The following SLCO2A1 variants were observed in gnomAD, a reference collection of about 807,000 sequenced individuals.
SLCO2A1 encodes the protein solute carrier organic anion transporter family member 2A1, also known as matrin F/G 1.
SLCO2A1 carries 60 observed loss-of-function variants against 71.7 expected under a neutral mutation model. The observed-to-expected ratio is 0.84, with a 90% CI of 0.68 to 1.04. The LOEUF is 1.04. SLCO2A1 is among the 50% of genes least tolerant of loss of function. The pLI, the probability that SLCO2A1 is intolerant of heterozygous loss-of-function variation, is 0.00. For synonymous variants in SLCO2A1, 308 were observed against 326.7 expected, an observed-to-expected ratio of 0.94 and a Z score of 0.62; for missense variants, 745 against 813.4, an observed-to-expected ratio of 0.92 and a Z score of 1.02.
rs746875740 is a variant in SLCO2A1, at chr3:133,947,273, G to A, written c.1278C>T (p.Ala426=). Residue 426 remains alanine, a synonymous_variant, in exon 9 of 14, where the codon GCC becomes GCT. Coordinates refer to ENST00000310926, the MANE Select transcript of SLCO2A1 (RefSeq NM_005630.3). ...CCCATTACCTAGGGGGGTAGACTTC[G>A]GCCACAGTTGGGGTGGAGCATCCCA... The part of the protein sequence containing the change: ...FFMGCSTPTV[A]EVYPPSTSSS... 4.3e-5 allele frequency: 70 copies of A among 1,613,950 alleles called. No individual in the cohort carries two copies. The highest frequency in any genetic ancestry group is 1.2e-4 in the South Asian group (11 of 91,058).
chr3:133,983,051 C>A (rs1934629955), intron 1 of SLCO2A1, among the ~76,000 whole-genome samples: 1 of 152,186 alleles, frequency 6.6e-6, no homozygotes, highest in South Asian at 2.1e-4. Flanking sequence ...ACACCTCTTA[C>A]AATGACACTC....
chr3:133,959,477 A>G (rs995769300), intron 3 of SLCO2A1, among the ~76,000 whole-genome samples: 1 of 151,996 alleles, frequency 6.6e-6, no homozygotes, highest in Non-Finnish European at 1.5e-5. Context: ...TGAGAATGTA[A>G]AGTGGTGTAG....
chr3:133,959,903 A>G (rs6791311), intron 3 of SLCO2A1, among the ~76,000 whole-genome samples: 31,055 of 151,798 alleles, frequency 0.2, 4,489 homozygotes, highest in African/African-American at 0.42. Flanking sequence ...GGCAGATCAC[A>G]AGGTCAGGAG....
intron 2 of SLCO2A1, among the ~76,000 whole-genome samples, chr3:133,977,172 T>C (rs929078670): frequency 7.2e-5 from 11 of 152,032 alleles, no homozygotes; most frequent in Non-Finnish European, 1.3e-4. Flanking sequence ...CAGACACAGA[T>C]ACACACACAC....
intron 1 of SLCO2A1, among the ~76,000 whole-genome samples, chr3:134,002,204 G>C (rs1321511907): frequency 6.6e-6 from 1 of 152,210 alleles, no homozygotes; most frequent in African/African-American, 2.4e-5. Flanking sequence ...AGCACAGCAA[G>C]CCTGTGTGCT....
At chr3:133,983,196 C>T (rs143385309) in intron 1 of SLCO2A1, among the ~76,000 whole-genome samples, 182 of 152,316 alleles carry the variant, frequency 1.2e-3, no homozygotes, top group African/African-American at 4.3e-3. Context: ...CTGGCTGGCT[C>T]TTTCTCCCTT....
intron 1 of SLCO2A1, among the ~76,000 whole-genome samples, chr3:134,027,997 GGA>G (rs1935733410): frequency 6.6e-6 from 1 of 152,204 alleles, no homozygotes; most frequent in African/African-American, 2.4e-5. Context: ...AACTCCTTTA[GGA>G]GGCCAATTGG....
At chr3:133,973,895 A>T in intron 2 of SLCO2A1, 70 bp from the exon 3 acceptor site, 2 of 1,464,122 alleles carry the variant, frequency 1.4e-6, no homozygotes, top group Non-Finnish European at 9.3e-7. Context: ...AGAAGACCCG[A>T]TCACACTTCA....
chr3:133,951,762 G>A (rs1933752046), intron 5 of SLCO2A1, among the ~76,000 whole-genome samples: 2 of 152,294 alleles, frequency 1.3e-5, no homozygotes, highest in South Asian at 4.1e-4. Context: ...ACTGAGGATA[G>A]AAGGGGTTAA....
intron 13 of SLCO2A1, among the ~76,000 whole-genome samples, chr3:133,935,114 A>G (rs1207843689): frequency 6.6e-6 from 1 of 152,092 alleles, no homozygotes; most frequent in East Asian, 1.9e-4. Context: ...AGCCACCCCC[A>G]GACGGTCCTG....
At chr3:133,937,704 T>A (rs1933305647) in intron 12 of SLCO2A1, among the ~76,000 whole-genome samples, 1 of 152,234 alleles carries the variant, frequency 6.6e-6, no homozygotes, top group African/African-American at 2.4e-5. Flanking sequence ...CATCCTCAGT[T>A]CAATTAGGTC....
intron 4 of SLCO2A1, among the ~76,000 whole-genome samples, chr3:133,954,153 CTTTTTTT>C (rs60871049): frequency 9.8e-5 from 6 of 60,918 alleles, no homozygotes; most frequent in African/African-American, 2.8e-4. Context: ...GTGGTGTGTT[CTTTTTTT>C]TTTTTTTTTT....
intron 5 of SLCO2A1, 77 bp from the exon 6 acceptor site, chr3:133,951,421 G>T: frequency 6.5e-7 from 1 of 1,545,050 alleles, no homozygotes; most frequent in Non-Finnish European, 8.8e-7. Context: ...CTCTGATCAG[G>T]GGGAGTTTCA....
chr3:133,967,244 A>G (rs561712242), intron 3 of SLCO2A1, among the ~76,000 whole-genome samples: 2 of 152,330 alleles, frequency 1.3e-5, no homozygotes, highest in East Asian at 3.9e-4. Context: ...GGCCTGTGCT[A>G]GAGACGCAGA....
chr3:133,938,079 G>A (rs1037801771), intron 12 of SLCO2A1, among the ~76,000 whole-genome samples: 13 of 152,210 alleles, frequency 8.5e-5, no homozygotes, highest in Non-Finnish European at 1.5e-4. Flanking sequence ...GGGCTCAGCC[G>A]CTGCTCTGGC....
chr3:134,001,181 G>A (rs772634588), intron 1 of SLCO2A1, among the ~76,000 whole-genome samples: 3 of 151,580 alleles, frequency 2.0e-5, no homozygotes, highest in South Asian at 2.1e-4. Flanking sequence ...GCAATGGCAC[G>A]ATCTCAACTC....
chr3:133,934,804 T>A lies in SLCO2A1; in HGVS notation c.1841A>T (p.Lys614Met). The change falls in exon 14 of 14, where the codon AAG (lysine) becomes ATG (methionine). Residue 614 changes from lysine to methionine, a missense_variant. By Grantham distance (95) the Lys-to-Met change is moderately conservative. Coordinates refer to ENST00000310926, the MANE Select transcript of SLCO2A1 (RefSeq NM_005630.3). ...DRYLGLQMGY[K>M]ALGMLLLCFI... is the part of the protein sequence containing the mutation. ...GCAAAGCAGCAGCATGCCCAGCGCC[T>A]TGTAGCCCATCTGCAGGCCCAGGTA... 1 of 1,611,822 alleles carries A rather than the reference T, an allele frequency of 6.2e-7. No homozygotes were observed. The highest frequency in any genetic ancestry group is 8.5e-7 in the Non-Finnish European group (1 of 1,179,862).
At chr3:133,987,231 GT>G (rs1378035647) in intron 1 of SLCO2A1, among the ~76,000 whole-genome samples, 4 of 143,068 alleles carry the variant, frequency 2.8e-5, no homozygotes, top group Non-Finnish European at 4.5e-5. Context: ...TGAAAGACTG[GT>G]TCAGGTCTCG....
chr3:133,966,630 C>T (rs1559938899), intron 3 of SLCO2A1, among the ~76,000 whole-genome samples: 1 of 152,220 alleles, frequency 6.6e-6, no homozygotes, highest in African/African-American at 2.4e-5. Context: ...AGGCTCACAT[C>T]CTCTCTGACT....
Sources: gnomAD v4.1 joint callset for allele counts (sites outside exome capture counted in the v4.1 genomes callset) on GRCh38, gnomAD v4.1.1 for gene constraint, MANE v1.5 for transcripts, NCBI Gene and HGNC (gene_info 2026-07-23, HGNC 2026-07-21) for gene names.